The following SERPINB2 variants were observed in gnomAD, a reference collection of about 807,000 sequenced individuals.
SERPINB2 encodes plasminogen activator inhibitor 2.
A neutral mutation model predicts 39.4 loss-of-function variants in SERPINB2; 28 were observed. That is an observed-to-expected ratio of 0.71 (90% CI 0.53 to 0.97). The LOEUF (loss-of-function observed/expected upper bound fraction) is 0.97, where lower values mean the gene tolerates loss of function less well. Ranked by LOEUF, SERPINB2 falls within the 50% of genes least tolerant of loss-of-function variation. SERPINB2 has a pLI of 0.00. For missense variants in SERPINB2, 557 were observed against 505.3 expected, an observed-to-expected ratio of 1.10 and a Z score of -0.98; for synonymous variants, 209 against 175.1, an observed-to-expected ratio of 1.19 and a Z score of -1.53.
In SERPINB2 at chr18:63,903,090, G is replaced by T; in HGVS notation, c.1033G>T (p.Glu345Ter). The change falls in exon 8 of 8, where the codon GAG (glutamate) becomes TAG (stop). Residue 345 changes from glutamate to a stop codon, truncating the protein, a stop_gained. Transcript: ENST00000299502. LOFTEE classifies it high-confidence loss of function. ...ACGGGCCAATTTCTCAGGGATGTCG[G>T]AGAGGAATGACCTGTTTCTTTCTGA... is the stretch of plus-strand genomic sequence containing the variant. ...KGRANFSGMS[E>*]RNDLFLSEVF... 1 of 1,613,744 alleles carries T rather than the reference G, an allele frequency of 6.2e-7. No homozygotes were observed. Among genetic ancestry groups the T allele is most frequent in the South Asian group, 1.1e-5 (1 of 91,064 alleles).
At chr18:63,896,137 A>G (rs551769815) in intron 3 of SERPINB2, among the ~76,000 whole-genome samples, 1 of 152,062 alleles carries the variant, frequency 6.6e-6, no homozygotes, top group Non-Finnish European at 1.5e-5. Flanking sequence ...CTTCCTGGGC[A>G]CTCTGAAGCT....
At chr18:63,897,049 A>G in intron 3 of SERPINB2, 42 bp from the exon 4 acceptor site, 2 of 1,578,270 alleles carry the variant, frequency 1.3e-6, no homozygotes, top group Non-Finnish European at 8.6e-7. Flanking sequence ...CTTGTTTAGT[A>G]GTTCTGTGTT....
In SERPINB2 at chr18:63,897,183, T is replaced by C. The variant is rs201568882; in HGVS notation, c.381T>C (p.Asn127=). 9.3e-6 allele frequency: 15 copies of C among 1,613,128 alleles called. No homozygotes were observed. In the South Asian group the frequency reaches 1.1e-4, roughly 12 times the overall value. Residue 127 remains asparagine (N), a synonymous_variant, in exon 4 of 8, where the codon AAT becomes AAC. Transcript: ENST00000299502. Reference sequence around the variant, plus strand: ...GGAATTATTTACTGGAAAGTGTCAATAAGCTGTTTGGTGAGAAGTCTGCGA... The same window carrying C: ...GGAATTATTTACTGGAAAGTGTCAACAAGCTGTTTGGTGAGAAGTCTGCGA... ...STGNYLLESV[N]KLFGEKSASF... is the part of the protein sequence containing the mutation.
chr18:63,902,476 G>T lies in SERPINB2; in HGVS notation c.751G>T (p.Ala251Ser), dbSNP rs1403529406. The T allele has an allele frequency of 6.2e-7, 1 of 1,613,562 alleles. No individual in the cohort carries two copies. Among genetic ancestry groups the T allele is most frequent in the Non-Finnish European group, 8.5e-7 (1 of 1,179,668 alleles). ...LNIGYIEDLK[A>S]QILELPYAGD... ...CATTGGATACATAGAAGACCTAAAG[G>T]CTCAGATTCTAGAACTCCCATATGC... is the stretch of plus-strand genomic sequence containing the variant. Residue 251 changes from alanine (A) to serine (S), a missense_variant, in exon 7 of 8, where the codon GCT becomes TCT. Transcript: ENST00000299502.
chr18:63,896,632 A>T lies in SERPINB2; in HGVS notation c.289-459A>T, dbSNP rs142498637. Among the ~76,000 whole-genome samples the T allele has an allele frequency of 8.0e-3, 1,212 of 152,354 alleles. 23 individuals carry two copies. The highest frequency in any genetic ancestry group is 0.027 in the African/African-American group (1,129 of 41,574). Reference sequence around the variant, plus strand: ...ACCATTTGTATGTATGTGTGTATGTATAGTGAGGACACTTAAAAAATATAT... The same window carrying T: ...ACCATTTGTATGTATGTGTGTATGTTTAGTGAGGACACTTAAAAAATATAT... On this transcript the variant is annotated intron_variant, in intron 3 of 7. Transcript: ENST00000299502.
At chr18:63,889,814 T>C (rs1398482971) in intron 1 of SERPINB2, 1 of 152,168 alleles carries the variant, frequency 6.6e-6, no homozygotes, top group African/African-American at 2.4e-5. Flanking sequence ...TTACTACTTT[T>C]TTCTTTTGAC....
At chr18:63,897,593 C>T in intron 4 of SERPINB2, 134 bp from the exon 5 acceptor site, 1 of 753,832 alleles carries the variant, frequency 1.3e-6, no homozygotes, top group Admixed American at 2.2e-5. Flanking sequence ...TCAGCACCTG[C>T]CTTCCATAGC....
At chr18:63,901,015 GC>G (rs1221228864) in intron 5 of SERPINB2, among the ~76,000 whole-genome samples, 2 of 152,050 alleles carry the variant, frequency 1.3e-5, no homozygotes, top group Non-Finnish European at 2.9e-5. Flanking sequence ...ATACTGCAGA[GC>G]GAGTACTAAC....
chr18:63,901,659 T>C (rs2049991787), intron 5 of SERPINB2, 81 bp from the exon 6 acceptor site: 2 of 999,740 alleles, frequency 2.0e-6, no homozygotes, highest in African/African-American at 1.7e-5. Flanking sequence ...AGAATTTAGT[T>C]TGATGGCTAC....
At chr18:63,896,398 G>A (rs930431008) in intron 3 of SERPINB2, among the ~76,000 whole-genome samples, 1 of 131,930 alleles carries the variant, frequency 7.6e-6, no homozygotes, top group South Asian at 2.5e-4. Flanking sequence ...TGCATAGTTT[G>A]CCCCATAAAA....
intron 5 of SERPINB2, among the ~76,000 whole-genome samples, chr18:63,900,826 T>G (rs955106718): frequency 6.6e-6 from 1 of 152,128 alleles, no homozygotes; most frequent in Admixed American, 6.6e-5. Context: ...CATTGACCTA[T>G]TAATTTGTTA....
chr18:63,893,370 G>C (rs1279232335), intron 2 of SERPINB2, among the ~76,000 whole-genome samples: 1 of 152,118 alleles, frequency 6.6e-6, no homozygotes, highest in Non-Finnish European at 1.5e-5. Context: ...CTGGACACAA[G>C]ACAGCTTTTC....
At chr18:63,897,933 C>A (rs2049971078) in intron 5 of SERPINB2, 89 bp downstream of exon 5, 3 of 849,746 alleles carry the variant, frequency 3.5e-6, no homozygotes, top group African/African-American at 1.7e-5. Context: ...TTAGCCCTCA[C>A]CCCTTTACAA....
chr18:63,889,855 C>A (rs2144693235), intron 1 of SERPINB2: 1 of 152,224 alleles, frequency 6.6e-6, no homozygotes, highest in East Asian at 1.9e-4. Context: ...TGCACTACAA[C>A]TTGCTTAAGC....
At chr18:63,895,202 T>A in intron 2 of SERPINB2, 62 bp from the exon 3 acceptor site, 6 of 1,593,744 alleles carry the variant, frequency 3.8e-6, no homozygotes, top group Non-Finnish European at 4.3e-6. Context: ...GATAGCCATC[T>A]GTTTTAAAAG....
At chr18:63,898,241 A>T (rs2049972772) in intron 5 of SERPINB2, among the ~76,000 whole-genome samples, 1 of 152,170 alleles carries the variant, frequency 6.6e-6, no homozygotes, top group African/African-American at 2.4e-5. Context: ...GCAGTGGAGG[A>T]GGGAAGAATC....
chr18:63,894,987 G>A (rs2049949704), intron 2 of SERPINB2, among the ~76,000 whole-genome samples: 1 of 152,090 alleles, frequency 6.6e-6, no homozygotes, highest in Admixed American at 6.5e-5. Flanking sequence ...ATTTGGGGAA[G>A]AGGTTTTAAA....
intron 2 of SERPINB2, 40 bp from the exon 3 acceptor site, chr18:63,895,224 C>T (rs1318164437): frequency 9.3e-6 from 15 of 1,604,614 alleles, no homozygotes; most frequent in African/African-American, 2.7e-5. Context: ...TCAGTAAATC[C>T]GTGGGCAAGT....
rs745349291 is a variant in SERPINB2 at position 63,902,978 on chromosome 18, A to G, written c.921A>G (p.Val307=). 4 of 1,613,820 alleles carry G rather than the reference A, an allele frequency of 2.5e-6. No homozygotes were observed. Among genetic ancestry groups the G allele is most frequent in the Admixed American group, 1.7e-5 (1 of 59,986 alleles). ...KDKMAEDEVE[V]YIPQFKLEEH... is the part of the protein sequence containing the mutation. ...AAATGGCTGAAGATGAAGTTGAGGT[A>G]TACATACCCCAGTTCAAATTAGAAG... Residue 307 remains valine, a synonymous_variant, in exon 8 of 8, where the codon GTA becomes GTG. Transcript: ENST00000299502.
Sources: allele counts gnomAD v4.1 joint callset (sites outside exome capture counted in the v4.1 genomes callset), GRCh38; gene constraint gnomAD v4.1.1; transcripts MANE v1.5; gene names NCBI Gene and HGNC (gene_info 2026-07-23, HGNC 2026-07-21).